The following ZNG1B variants were observed in gnomAD, a reference collection of about 807,000 sequenced individuals.
ZNG1B encodes the protein zinc-regulated GTPase metalloprotein activator 1B.
the ZNG1B span, among the ~76,000 whole-genome samples, chr2:113,452,215 A>G: frequency 6.6e-6 from 1 of 152,170 alleles, no homozygotes; most frequent in African/African-American, 2.4e-5. Flanking sequence ...TCAGGAAACC[A>G]TTAGATCTTG....
the ZNG1B span, among the ~76,000 whole-genome samples, chr2:113,476,589 C>A: frequency 1.4e-4 from 21 of 148,950 alleles, 1 homozygote; most frequent in Non-Finnish European, 2.8e-4. Flanking sequence ...GGAGGAGAGG[C>A]GCTCTGCTTT....
At chr2:113,485,151 T>C in the ZNG1B span, among the ~76,000 whole-genome samples, 1 of 145,490 alleles carries the variant, frequency 6.9e-6, no homozygotes, top group Non-Finnish European at 1.5e-5. Flanking sequence ...AAAAATAACC[T>C]TGAACTGGTA....
chr2:113,488,592 A>G, the ZNG1B span, among the ~76,000 whole-genome samples: 1 of 144,118 alleles, frequency 6.9e-6, no homozygotes, highest in Non-Finnish European at 1.5e-5. Flanking sequence ...GTGAAGCCCA[A>G]TGTAAAGATA....
the ZNG1B span, among the ~76,000 whole-genome samples, chr2:113,449,256 G>T: frequency 6.6e-6 from 1 of 152,056 alleles, no homozygotes; most frequent in Non-Finnish European, 1.5e-5. Context: ...ATTATCATTT[G>T]TGTGTTTACT....
the ZNG1B span, chr2:113,462,576 A>G: frequency 2.1e-5 from 31 of 1,490,082 alleles, no homozygotes; most frequent in East Asian, 2.3e-5. Flanking sequence ...GTTGCCCTGT[A>G]GAAACTTAAG....
the ZNG1B span, among the ~76,000 whole-genome samples, chr2:113,467,992 G>A: frequency 2.0e-5 from 3 of 151,400 alleles, no homozygotes; most frequent in Non-Finnish European, 2.9e-5. Context: ...GATTTTAAAA[G>A]CAACATGACT....
At chr2:113,477,742 A>C in the ZNG1B span, among the ~76,000 whole-genome samples, 12 of 152,244 alleles carry the variant, frequency 7.9e-5, no homozygotes, top group African/African-American at 2.9e-4. Context: ...AACTATAGGC[A>C]TGAGGATGTG....
the ZNG1B span, chr2:113,470,153 AGCTAATTTTTGTATTTTT>A: frequency 6.6e-6 from 1 of 151,362 alleles, no homozygotes; most frequent in African/African-American, 2.4e-5. Flanking sequence ...CACCACACCC[AGCTAATTTTTGTATTTTT>A]GGTAGAGACA....
the ZNG1B span, chr2:113,471,007 G>A: frequency 1.3e-6 from 2 of 1,576,530 alleles, no homozygotes; most frequent in Admixed American, 1.8e-5. Flanking sequence ...ATTTCCAACT[G>A]CTCACGTTAG....
At chr2:113,485,917 T>G in the ZNG1B span, among the ~76,000 whole-genome samples, 26 of 151,940 alleles carry the variant, frequency 1.7e-4, no homozygotes, top group Non-Finnish European at 2.4e-4. Flanking sequence ...AATTCCTCAT[T>G]TTGCTTTAGT....
At chr2:113,472,169 T>C in the ZNG1B span, among the ~76,000 whole-genome samples, 1 of 151,038 alleles carries the variant, frequency 6.6e-6, no homozygotes, top group African/African-American at 2.4e-5. Context: ...TCTTAATGAT[T>C]GCCATTCTAA....
the ZNG1B span, among the ~76,000 whole-genome samples, chr2:113,475,940 A>G: frequency 6.6e-6 from 1 of 151,898 alleles, no homozygotes; most frequent in Non-Finnish European, 1.5e-5. Context: ...CTTCATTTCA[A>G]CTTTGGTGAA....
At chr2:113,474,836 G>A in the ZNG1B span, among the ~76,000 whole-genome samples, 1 of 152,006 alleles carries the variant, frequency 6.6e-6, no homozygotes, top group African/African-American at 2.4e-5. Flanking sequence ...TAGTTTGATT[G>A]TACTGTGGTC....
chr2:113,487,159 T>A, the ZNG1B span, among the ~76,000 whole-genome samples: 127 of 152,360 alleles, frequency 8.3e-4, 1 homozygote, highest in African/African-American at 2.8e-3. Flanking sequence ...ACACAAATAC[T>A]TACCATTGTG....
chr2:113,493,486 C>T, the ZNG1B span, among the ~76,000 whole-genome samples: 1 of 131,090 alleles, frequency 7.6e-6, no homozygotes, highest in African/African-American at 2.8e-5. Context: ...ATAATGAGGA[C>T]CCTTTCATCA....
the ZNG1B span, chr2:113,495,855 T>G: frequency 2.2e-4 from 138 of 635,404 alleles, 15 homozygotes; most frequent in Admixed American, 6.6e-4. Context: ...TACTTTAAAA[T>G]GGTATTTGTT....
chr2:113,444,971 G>A, the ZNG1B span: 2 of 1,610,410 alleles, frequency 1.2e-6, no homozygotes, highest in South Asian at 1.1e-5. Context: ...CAGGGACAAT[G>A]GCCTTAGAGC....
the ZNG1B span, among the ~76,000 whole-genome samples, chr2:113,471,830 G>A: frequency 6.6e-6 from 1 of 151,856 alleles, no homozygotes; most frequent in Non-Finnish European, 1.5e-5. Flanking sequence ...TTTTATGGCT[G>A]CATAGTATTC....
the ZNG1B span, chr2:113,470,601 A>G: frequency 4.4e-6 from 1 of 226,034 alleles, no homozygotes; most frequent in Non-Finnish European, 8.7e-6. Context: ...TGGTTATTTG[A>G]CTCCTCATTT....
Sources: allele counts gnomAD v4.1 joint callset (sites outside exome capture counted in the v4.1 genomes callset), GRCh38; gene constraint gnomAD v4.1.1; transcripts MANE v1.5; gene names NCBI Gene and HGNC (gene_info 2026-07-23, HGNC 2026-07-21).